Variants in C2orf42 observed in about 807,000 individuals in gnomAD.
C2orf42 encodes uncharacterized protein C2orf42.
In C2orf42, 44 loss-of-function variants were observed where a neutral mutation model predicts 58.9. That is an observed-to-expected ratio of 0.75 (90% CI 0.59 to 0.96). The LOEUF is 0.96. Ranked by LOEUF, C2orf42 falls within the 40% of genes least tolerant of loss-of-function variation. C2orf42 has a pLI of 0.00. For synonymous variants in C2orf42, 239 were observed against 265.4 expected, an observed-to-expected ratio of 0.90 and a Z score of 0.97; for missense variants, 630 against 699.2, an observed-to-expected ratio of 0.90 and a Z score of 1.12.
chr2:70,154,922 A>AT (rs879468777), intron 9 of C2orf42, among the ~76,000 whole-genome samples: 92 of 146,516 alleles, frequency 6.3e-4, no homozygotes, highest in South Asian at 1.5e-3. Context: ...TTCCTGGCTA[A>AT]TTTTTTTTTT....
At chr2:70,158,281 G>T (rs1232349017) in intron 9 of C2orf42, among the ~76,000 whole-genome samples, 1 of 151,724 alleles carries the variant, frequency 6.6e-6, no homozygotes, top group African/African-American at 2.4e-5. Context: ...CTAAGAATAT[G>T]AAGATTAAAA....
chr2:70,184,288 G>A (rs1674777933), intron 1 of C2orf42, among the ~76,000 whole-genome samples: 1 of 152,112 alleles, frequency 6.6e-6, no homozygotes, highest in African/African-American at 2.4e-5. Flanking sequence ...GTGCAGTGAC[G>A]TGATCTCGAT....
intron 5 of C2orf42, among the ~76,000 whole-genome samples, chr2:70,169,934 T>C (rs770137540): frequency 7.9e-5 from 12 of 151,820 alleles, no homozygotes; most frequent in Non-Finnish European, 2.9e-5. Context: ...AATTGTTGTA[T>C]TTTTAGTAGA....
At chr2:70,160,468 G>A (rs564624304) in intron 9 of C2orf42, among the ~76,000 whole-genome samples, 157 bp downstream of exon 9, 1 of 152,118 alleles carries the variant, frequency 6.6e-6, no homozygotes, top group East Asian at 1.9e-4. Flanking sequence ...GAAAACACTG[G>A]TTCAATTGAA....
intron 9 of C2orf42, among the ~76,000 whole-genome samples, chr2:70,159,175 C>T (rs1672896339): frequency 6.6e-6 from 1 of 152,020 alleles, no homozygotes; most frequent in Admixed American, 6.6e-5. Context: ...CGTGAGCCAC[C>T]GTGCCCGGCC....
At position 70,154,478 on chromosome 2, in the gene C2orf42, G is replaced by A. The variant is rs1243921667; in HGVS notation, c.1517-3914C>T. Among the ~76,000 whole-genome samples, 16 of 129,948 alleles carry A rather than the reference G, an allele frequency of 1.2e-4. No homozygotes were observed. In the South Asian group the frequency reaches 1.7e-3, roughly 14 times the overall value. The allele number at this position is 129,948 out of a possible 152,430, so 85.3% of individuals were successfully genotyped here. A position where few individuals can be genotyped will look rare whatever the true frequency, so the allele number is the denominator to read the frequency against. On this transcript the variant is annotated intron_variant, in intron 9 of 9. Coordinates refer to ENST00000264434, the MANE Select transcript of C2orf42 (RefSeq NM_017880.3). Reference sequence around the variant, plus strand: ...TGGTTCTAAAATATATTATAAACCCGTAATAACCCAAAGAGTGTGGTACTA... The same window carrying A: ...TGGTTCTAAAATATATTATAAACCCATAATAACCCAAAGAGTGTGGTACTA...
At chr2:70,178,951 T>G (rs140449317) in intron 4 of C2orf42, among the ~76,000 whole-genome samples, 4 of 150,022 alleles carry the variant, frequency 2.7e-5, no homozygotes, top group Admixed American at 2.7e-4. Flanking sequence ...AAAAAATGTG[T>G]GTGTGGGTGT....
intron 8 of C2orf42, 80 bp downstream of exon 8, chr2:70,165,012 C>T (rs1673305496): frequency 6.5e-6 from 4 of 615,650 alleles, no homozygotes; most frequent in African/African-American, 3.8e-5. Flanking sequence ...ACTCAAGGAA[C>T]CAGTGCAAAT....
Position 70,150,086 on chromosome 2 carries a change from A to T in C2orf42, c.*270T>A, listed in dbSNP as rs143408018. 11 of 491,102 alleles carry T rather than the reference A, an allele frequency of 2.2e-5. No individual in the cohort carries two copies. Among genetic ancestry groups the T allele is most frequent in the African/African-American group, 1.2e-4 (6 of 51,802 alleles). 30.4% of individuals were successfully genotyped at this position (491,102 alleles called of 1,614,324 possible). ...GCTAAAGATGAGTCCGTAAGAAGGA[A>T]AATAAGCTGGTTTTCTTTCTGTTCC... On this transcript the variant is annotated 3_prime_UTR_variant, in exon 10 of 10. Transcript: ENST00000264434.
At chr2:70,182,100 T>A in intron 2 of C2orf42, 103 bp from the exon 3 acceptor site, 1 of 639,526 alleles carries the variant, frequency 1.6e-6, no homozygotes, top group Non-Finnish European at 2.7e-6. Context: ...AAAAAAGCTA[T>A]CTACTATTTT....
intron 5 of C2orf42, among the ~76,000 whole-genome samples, chr2:70,170,801 A>G (rs1394700445): frequency 6.6e-6 from 1 of 151,588 alleles, no homozygotes; most frequent in Non-Finnish European, 1.5e-5. Flanking sequence ...TAAACTGCAT[A>G]TAAAAGAATG....
At chr2:70,159,673 C>T (rs1672931942) in intron 9 of C2orf42, among the ~76,000 whole-genome samples, 3 of 151,880 alleles carry the variant, frequency 2.0e-5, no homozygotes, top group Admixed American at 2.0e-4. Context: ...AATTCAAGTA[C>T]AGTCTAAAAC....
In C2orf42 at chr2:70,165,633, TG is replaced by T; in HGVS notation, c.1146del (p.Lys383AsnfsTer23). The T allele has an allele frequency of 6.3e-7, 1 of 1,575,374 alleles. No homozygotes were observed. Among genetic ancestry groups the T allele is most frequent in the Non-Finnish European group, 8.7e-7 (1 of 1,145,504 alleles). ...IHQTMHYQFD[G>X]KPEPLVFHIP... ...ATGTGGAACACCAATGGTTCTGGTT[TG>T]CCTATGGGAAACAAGAAGAAACAAC... On this transcript the variant is annotated frameshift_variant and splice_region_variant, in exon 7 of 10. Transcript: ENST00000264434. LOFTEE classifies it high-confidence loss of function.
Position 70,150,495 on chromosome 2 carries a change from T to A in C2orf42, c.1586A>T (p.Gln529Leu). The A allele has an allele frequency of 6.2e-7, 1 of 1,614,086 alleles. No individual in the cohort carries two copies. The highest frequency in any genetic ancestry group is 1.1e-5 in the South Asian group (1 of 91,084). Reference sequence around the variant, plus strand: ...GATCCGCAGCTCGCCAATCTTAGATTGGGGAAGGATATCTGGGATCCACTC... The same window carrying A: ...GATCCGCAGCTCGCCAATCTTAGATAGGGGAAGGATATCTGGGATCCACTC... ...IIEWIPDILP[Q>L]SKIGELRIKF... Residue 529 changes from glutamine to leucine, a missense_variant, in exon 10 of 10, where the codon CAA becomes CTA. Transcript: ENST00000264434.
intron 8 of C2orf42, among the ~76,000 whole-genome samples, chr2:70,164,238 G>A (rs1475368477): frequency 6.6e-6 from 1 of 151,884 alleles, no homozygotes; most frequent in African/African-American, 2.4e-5. Context: ...AAGAGGTGGA[G>A]GTAGAGTGAG....
intron 5 of C2orf42, among the ~76,000 whole-genome samples, chr2:70,173,818 A>G (rs1426203132): frequency 1.3e-5 from 2 of 150,814 alleles, no homozygotes; most frequent in Non-Finnish European, 3.0e-5. Context: ...TTTGGTAGAG[A>G]TGGAGTCTCA....
In C2orf42 at chr2:70,150,452, G is replaced by A. The variant is rs747391646; in HGVS notation, c.1629C>T (p.His543=). 2 of 1,614,166 alleles carry A rather than the reference G, an allele frequency of 1.2e-6. No individual in the cohort carries two copies. Among genetic ancestry groups the A allele is most frequent in the South Asian group, 1.1e-5 (1 of 91,080 alleles). The part of the protein sequence containing the change: ...GELRIKFEYG[H]HRNGHVAEYQ... ...ACTCCGCCACATGCCCATTCCGGTG[G>A]TGGCCATACTCAAACTTGATCCGCA... Residue 543 remains histidine (H), a synonymous_variant, in exon 10 of 10, where the codon CAC becomes CAT. Transcript: ENST00000264434.
intron 5 of C2orf42, among the ~76,000 whole-genome samples, chr2:70,174,966 C>T (rs1204062859): frequency 1.1e-4 from 17 of 152,118 alleles, no homozygotes; most frequent in Admixed American, 1.1e-3. Context: ...GCACCGTGCT[C>T]AGCCCCAACC....
intron 6 of C2orf42, among the ~76,000 whole-genome samples, chr2:70,167,007 CT>C (rs1673449215): frequency 6.6e-6 from 1 of 152,156 alleles, no homozygotes; most frequent in African/African-American, 2.4e-5. Context: ...ATCTGTCTTT[CT>C]CTCTGAATAT....
Sources: allele counts gnomAD v4.1 joint callset (sites outside exome capture counted in the v4.1 genomes callset), GRCh38; gene constraint gnomAD v4.1.1; transcripts MANE v1.5; gene names NCBI Gene and HGNC (gene_info 2026-07-23, HGNC 2026-07-21).